The following CDH8 variants were observed in gnomAD, a reference collection of about 807,000 sequenced individuals.
The protein encoded by CDH8 is cadherin 8.
A neutral mutation model predicts 68.1 loss-of-function variants in CDH8; 17 were observed. That is an observed-to-expected ratio of 0.25 (90% CI 0.17 to 0.37). CDH8 has a LOEUF of 0.37. Among genes scored for constraint, CDH8 ranks in the 10% least tolerant of loss-of-function variants. CDH8 has a pLI of 1.00. For missense variants in CDH8, 763 were observed against 999.3 expected, an observed-to-expected ratio of 0.76 and a Z score of 3.19; for synonymous variants, 372 against 365.1, an observed-to-expected ratio of 1.02 and a Z score of -0.21.
intron 3 of CDH8, among the ~76,000 whole-genome samples, chr16:61,878,663 C>A (rs1963508851): frequency 6.6e-6 from 1 of 152,130 alleles, no homozygotes; most frequent in South Asian, 2.1e-4. Flanking sequence ...CTACTTTATG[C>A]AAGACACTAG....
At chr16:61,655,846 A>T in intron 10 of CDH8, 125 bp from the exon 11 acceptor site, 1 of 781,026 alleles carries the variant, frequency 1.3e-6, no homozygotes, top group African/African-American at 1.8e-5. Flanking sequence ...AGGACTGCTC[A>T]GGCTTTTTCC....
intron 10 of CDH8, among the ~76,000 whole-genome samples, chr16:61,676,079 A>C (rs1963901759): frequency 6.6e-6 from 1 of 151,416 alleles, no homozygotes; most frequent in African/African-American, 2.4e-5. Context: ...TAAGTCCTCA[A>C]ATAAAAAGGC....
chr16:61,980,586 T>G (rs1382219571), intron 2 of CDH8, among the ~76,000 whole-genome samples: 1 of 152,170 alleles, frequency 6.6e-6, no homozygotes, highest in Non-Finnish European at 1.5e-5. Context: ...ATGAATCCCG[T>G]TTTTTGTAAA....
chr16:61,691,606 T>C, intron 10 of CDH8: 1 of 151,920 alleles, frequency 6.6e-6, no homozygotes, highest in East Asian at 1.9e-4. Flanking sequence ...GTAGGATTGT[T>C]GATGAAGAGG....
intron 2 of CDH8, 124 bp downstream of exon 2, chr16:62,021,028 C>T: frequency 1.2e-6 from 1 of 827,276 alleles, no homozygotes; most frequent in East Asian, 2.6e-5. Context: ...GACAGGTAAA[C>T]TCACTAAACA....
chr16:61,870,224 A>T (rs1436381124), intron 3 of CDH8, among the ~76,000 whole-genome samples: 1 of 152,286 alleles, frequency 6.6e-6, no homozygotes, highest in East Asian at 1.9e-4. Flanking sequence ...TTTATACCAG[A>T]CAGGGCATGC....
At chr16:61,966,975 C>T (rs369160591) in intron 2 of CDH8, among the ~76,000 whole-genome samples, 10 of 152,046 alleles carry the variant, frequency 6.6e-5, no homozygotes, top group Admixed American at 1.3e-4. Context: ...GAGGCCAACA[C>T]GGGAGGACAC....
chr16:61,854,498 G>A (rs911355144), intron 4 of CDH8, among the ~76,000 whole-genome samples: 1 of 152,028 alleles, frequency 6.6e-6, no homozygotes, highest in Non-Finnish European at 1.5e-5. Flanking sequence ...CATTTGATAA[G>A]AGGAACTTCC....
chr16:61,669,318 G>C (rs1963744090), intron 10 of CDH8, among the ~76,000 whole-genome samples: 1 of 151,926 alleles, frequency 6.6e-6, no homozygotes, highest in Non-Finnish European at 1.5e-5. Context: ...CTATCTATAA[G>C]ACGTCACTGG....
chr16:61,772,168 T>G (rs375494054), intron 8 of CDH8, among the ~76,000 whole-genome samples: 2 of 152,024 alleles, frequency 1.3e-5, no homozygotes, highest in African/African-American at 4.8e-5. Context: ...CATCTGGACC[T>G]CCCCCACCTA....
chr16:61,771,225 T>C (rs1960768786), intron 8 of CDH8, among the ~76,000 whole-genome samples: 1 of 151,968 alleles, frequency 6.6e-6, no homozygotes, highest in Non-Finnish European at 1.5e-5. Context: ...TCTTATCTTC[T>C]TTTTATATCT....
chr16:61,746,838 T>A (rs929437857), intron 8 of CDH8, among the ~76,000 whole-genome samples: 2 of 152,072 alleles, frequency 1.3e-5, no homozygotes, highest in East Asian at 3.9e-4. Context: ...GTCTATGCTT[T>A]TGCCACAGTA....
At chr16:61,689,953 T>A (rs138716878) in intron 10 of CDH8, among the ~76,000 whole-genome samples, 214 of 152,192 alleles carry the variant, frequency 1.4e-3, no homozygotes, top group Non-Finnish European at 2.7e-3. Context: ...GCCACTGATT[T>A]AGACTGTCTT....
intron 2 of CDH8, among the ~76,000 whole-genome samples, chr16:62,006,772 C>T (rs1194582944): frequency 6.6e-6 from 1 of 152,082 alleles, no homozygotes; most frequent in East Asian, 1.9e-4. Context: ...TAGCATTAGC[C>T]TTTTCTGTGG....
In CDH8 at chr16:61,647,912, T is replaced by C; in HGVS notation, c.*5696A>G. On this transcript the variant is annotated 3_prime_UTR_variant, in exon 12 of 12. Coordinates refer to ENST00000577390, the MANE Select transcript of CDH8 (RefSeq NM_001796.5). ...ATCTGTGGATAATAATAGAAATATC[T>C]ATTATCTATTAGTAGGGATACTTGC... 1 of 693,554 alleles carries C rather than the reference T, an allele frequency of 1.4e-6. No individual in the cohort carries two copies. The highest frequency in any genetic ancestry group is 2.6e-6 in the Non-Finnish European group (1 of 380,234). 43.0% of individuals were successfully genotyped at this position (693,554 alleles called of 1,614,324 possible).
intron 8 of CDH8, among the ~76,000 whole-genome samples, chr16:61,775,999 G>A (rs1960891163): frequency 6.6e-6 from 1 of 152,046 alleles, no homozygotes; most frequent in Non-Finnish European, 1.5e-5. Context: ...CAAGTGGTTT[G>A]AATAAAGGAA....
intron 8 of CDH8, among the ~76,000 whole-genome samples, chr16:61,740,563 T>C (rs1311034060): frequency 1.3e-5 from 2 of 152,148 alleles, no homozygotes; most frequent in African/African-American, 2.4e-5. Flanking sequence ...TTCCAAGTCA[T>C]TATCTCCCTC....
At position 61,648,593 on chromosome 16, in the gene CDH8, A is replaced by G. The variant is rs935624767; in HGVS notation, c.*5015T>C. 1 of 151,330 alleles carries G rather than the reference A, an allele frequency of 6.6e-6. No individual in the cohort carries two copies. The highest frequency in any genetic ancestry group is 2.4e-5 in the African/African-American group (1 of 41,370). 9.4% of individuals were successfully genotyped at this position (151,330 alleles called of 1,614,324 possible). A position where few individuals can be genotyped will look rare whatever the true frequency, so the allele number is the denominator to read the frequency against. ...TCAACCAAACTTAAACCCAGACTCA[A>G]ATAGTATTTATCCATAGATAAAAAA... On this transcript the variant is annotated 3_prime_UTR_variant, in exon 12 of 12. Transcript: ENST00000577390.
chr16:62,027,042 C>T (rs935208384), intron 1 of CDH8, among the ~76,000 whole-genome samples: 5 of 152,164 alleles, frequency 3.3e-5, no homozygotes, highest in African/African-American at 7.2e-5. Context: ...TTTACATTTT[C>T]CAACCACAGT....
Sources: allele counts gnomAD v4.1 joint callset (sites outside exome capture counted in the v4.1 genomes callset), GRCh38; gene constraint gnomAD v4.1.1; transcripts MANE v1.5; gene names NCBI Gene and HGNC (gene_info 2026-07-23, HGNC 2026-07-21).